The following DDX39A variants were observed in gnomAD, a reference collection of about 807,000 sequenced individuals.
The protein encoded by DDX39A is DExD-box helicase 39A, also known as ATP-dependent RNA helicase DDX39A.
A neutral mutation model predicts 46.3 loss-of-function variants in DDX39A; 13 were observed. That is an observed-to-expected ratio of 0.28 (90% CI 0.18 to 0.45). DDX39A has a LOEUF of 0.45. Ranked by LOEUF, DDX39A falls within the 20% of genes least tolerant of loss-of-function variation. The pLI is 1.00. For synonymous variants in DDX39A, 234 were observed against 224.6 expected, an observed-to-expected ratio of 1.04 and a Z score of -0.38; for missense variants, 352 against 581.8, an observed-to-expected ratio of 0.61 and a Z score of 4.06.
At position 14,411,376 on chromosome 19, in the gene DDX39A, A is replaced by G; in HGVS notation, c.429+130T>C. On this transcript the variant is annotated intron_variant, in intron 4 of 10. Transcript: ENST00000242776. The surrounding 1 kb of genome is among the most constrained non-coding windows in gnomAD (Gnocchi z 4.1). The stretch of plus-strand genomic sequence containing the variant: ...ATAATTCATCAGGCTTTTAAGGAGC[A>G]AAAACCACCGCAAACCTCAAAGGCA... The G allele has an allele frequency of 9.3e-7, 1 of 1,075,920 alleles. No individual in the cohort carries two copies. The highest frequency in any genetic ancestry group is 1.4e-6 in the Non-Finnish European group (1 of 730,012). The allele number at this position is 1,075,920 out of a possible 1,614,324, so 66.6% of individuals were successfully genotyped here.
Position 14,408,851 on chromosome 19 carries a change from T to A in DDX39A, c.*85A>T. On this transcript the variant is annotated 3_prime_UTR_variant, in exon 11 of 11. Transcript: ENST00000242776. ...ATAACAAGTTTATTCTCATACAATC[T>A]CTAGCTTCTCAACAGTGGCGCCTGG... is the stretch of plus-strand genomic sequence containing the variant. 1 of 1,506,794 alleles carries A rather than the reference T, an allele frequency of 6.6e-7. No homozygotes were observed. 93.3% of individuals were successfully genotyped at this position (1,506,794 alleles called of 1,614,324 possible).
Position 14,409,267 on chromosome 19 carries a change from G to T in DDX39A, c.1119+36C>A. ...AGCAGGGCTGGGGCCCCACCCCACC[G>T]CCAGGGGAAAGCAACATGCCCGTGA... On this transcript the variant is annotated intron_variant, in intron 9 of 10. Coordinates refer to ENST00000242776, the MANE Select transcript of DDX39A (RefSeq NM_005804.4). The surrounding 1 kb of genome is among the most constrained non-coding windows in gnomAD (Gnocchi z 8.3). The T allele has an allele frequency of 1.9e-6, 3 of 1,613,160 alleles. No homozygotes were observed. Among genetic ancestry groups the T allele is most frequent in the Non-Finnish European group, 2.5e-6 (3 of 1,179,220 alleles).
Position 14,411,933 on chromosome 19 carries a change from C to T in DDX39A, c.337-335G>A, listed in dbSNP as rs529984500. On this transcript the variant is annotated intron_variant, in intron 3 of 10. Coordinates refer to ENST00000242776, the MANE Select transcript of DDX39A (RefSeq NM_005804.4). This position sits in a 1 kb window ranked among gnomAD's most constrained non-coding sequence, Gnocchi z 4.1. ...TAAGGATTTCCTGAATCTCGGCACTCGGGCGGCCCCGGTCTTCCCACCCGT... is the reference window on the plus strand; with the variant it reads ...TAAGGATTTCCTGAATCTCGGCACTTGGGCGGCCCCGGTCTTCCCACCCGT... Among the ~76,000 whole-genome samples, 13 of 152,312 alleles carry T rather than the reference C, an allele frequency of 8.5e-5. 1 individual carries two copies. In the East Asian group the frequency reaches 2.1e-3, roughly 25 times the overall value.
chr19:14,418,585 G>C (rs369016646), intron 1 of DDX39A, among the ~76,000 whole-genome samples: 12 of 152,066 alleles, frequency 7.9e-5, no homozygotes, highest in African/African-American at 2.7e-4. Context: ...AGCCTCCCGA[G>C]TAGCTGGGAC....
At chr19:14,414,857 C>T (rs910346322) in intron 1 of DDX39A, among the ~76,000 whole-genome samples, 2 of 147,578 alleles carry the variant, frequency 1.4e-5, no homozygotes, top group Non-Finnish European at 3.0e-5. Context: ...CCCAGCTACT[C>T]GGGAAGCTGA....
At chr19:14,417,845 G>A (rs1392840207) in intron 1 of DDX39A, among the ~76,000 whole-genome samples, 1 of 151,856 alleles carries the variant, frequency 6.6e-6, no homozygotes, top group Non-Finnish European at 1.5e-5. Context: ...GTGACAGAGG[G>A]AGACCCTTTC....
chr19:14,410,776 A>G lies in DDX39A; in HGVS notation c.613+213T>C, dbSNP rs554383935. On this transcript the variant is annotated intron_variant, in intron 5 of 10. Coordinates refer to ENST00000242776, the MANE Select transcript of DDX39A (RefSeq NM_005804.4). This position sits in a 1 kb window ranked among gnomAD's most constrained non-coding sequence, Gnocchi z 4.3. ...GGTATGTGTGCATGCCTTTACGTCC[A>G]GGAGGGACGGGGGCTTGCTTGGGCC... 2.3e-4 allele frequency: 127 copies of G among 554,546 alleles called. 1 individual carries two copies. In the East Asian group the frequency reaches 3.3e-3, roughly 15 times the overall value. The allele number at this position is 554,546 out of a possible 1,614,324, so 34.4% of individuals were successfully genotyped here.
intron 1 of DDX39A, among the ~76,000 whole-genome samples, chr19:14,414,949 A>G (rs962583564): frequency 6.6e-6 from 1 of 151,536 alleles, no homozygotes; most frequent in Non-Finnish European, 1.5e-5. Flanking sequence ...AAAAAAAAAA[A>G]AAAAAAAAGA....
rs2146385784 is a variant in DDX39A at position 14,409,989 on chromosome 19, A to G, written c.733-116T>C. On this transcript the variant is annotated intron_variant, in intron 6 of 10. Coordinates refer to ENST00000242776, the MANE Select transcript of DDX39A (RefSeq NM_005804.4). The surrounding 1 kb of genome is among the most constrained non-coding windows in gnomAD (Gnocchi z 8.3). ...CGACACTTCCCAGAGGACCTGCTGCACCAGACCTCAGTAAACATCGCTCAA... is the reference window on the plus strand; with the variant it reads ...CGACACTTCCCAGAGGACCTGCTGCGCCAGACCTCAGTAAACATCGCTCAA... 1 of 1,341,898 alleles carries G rather than the reference A, an allele frequency of 7.5e-7. No homozygotes were observed. The highest frequency in any genetic ancestry group is 1.4e-5 in the African/African-American group (1 of 69,902). 83.1% of individuals were successfully genotyped at this position (1,341,898 alleles called of 1,614,324 possible). A position where few individuals can be genotyped will look rare whatever the true frequency, so the allele number is the denominator to read the frequency against.
rs553445505 is a variant in DDX39A, at chr19:14,413,358, G to A, written c.-4-134C>T. 131 of 773,874 alleles carry A rather than the reference G, an allele frequency of 1.7e-4. 2 individuals are homozygous for A. In the South Asian group the frequency reaches 2.2e-3, roughly 13 times the overall value. The allele number at this position is 773,874 out of a possible 1,614,324, so 47.9% of individuals were successfully genotyped here. On this transcript the variant is annotated intron_variant, in intron 1 of 10. Coordinates refer to ENST00000242776, the MANE Select transcript of DDX39A (RefSeq NM_005804.4). ...TACCTGGGCTGCACCTCGCAGCTTC[G>A]CCCTGTCTCCACCTCCCCACCCCCA... is the stretch of plus-strand genomic sequence containing the variant.
At chr19:14,417,407 G>GC in intron 1 of DDX39A, among the ~76,000 whole-genome samples, 1 of 148,678 alleles carries the variant, frequency 6.7e-6, no homozygotes, top group East Asian at 2.0e-4. Context: ...GATGGCTTGA[G>GC]CCCAGGAGTT....
intron 1 of DDX39A, 147 bp downstream of exon 1, chr19:14,419,123 A>G (rs1976943448): frequency 2.6e-6 from 1 of 387,814 alleles, no homozygotes; most frequent in Non-Finnish European, 5.1e-6. Context: ...GCCAACACAC[A>G]GCGCTCTGAC....
chr19:14,410,098 C>T lies in DDX39A; in HGVS notation c.732+118G>A, dbSNP rs1183137664. 16 of 1,103,178 alleles carry T rather than the reference C, an allele frequency of 1.5e-5. No individual in the cohort carries two copies. Among genetic ancestry groups the T allele is most frequent in the Non-Finnish European group, 2.2e-5 (16 of 730,990 alleles). 68.3% of individuals were successfully genotyped at this position (1,103,178 alleles called of 1,614,324 possible). A position where few individuals can be genotyped will look rare whatever the true frequency, so the allele number is the denominator to read the frequency against. On this transcript the variant is annotated intron_variant, in intron 6 of 10. Transcript: ENST00000242776. The surrounding 1 kb of genome is among the most constrained non-coding windows in gnomAD (Gnocchi z 4.3). ...ACAAGACCGAGGGGAGGAAAGGAGG[C>T]TCCGCCGGCTCCCAGCATCCCAGCA...
At chr19:14,419,127 C>T (rs1456103137) in intron 1 of DDX39A, 143 bp downstream of exon 1, 1 of 373,798 alleles carries the variant, frequency 2.7e-6, no homozygotes, top group African/African-American at 2.1e-5. Context: ...ACACACAGCG[C>T]TCTGACACAC....
At position 14,411,403 on chromosome 19, in the gene DDX39A, C is replaced by A; in HGVS notation, c.429+103G>T. 1 of 1,211,462 alleles carries A rather than the reference C, an allele frequency of 8.3e-7. No homozygotes were observed. The highest frequency in any genetic ancestry group is 1.8e-5 in the Admixed American group (1 of 55,268). The allele number at this position is 1,211,462 out of a possible 1,614,324, so 75.0% of individuals were successfully genotyped here. On this transcript the variant is annotated intron_variant, in intron 4 of 10. Transcript: ENST00000242776. The surrounding 1 kb of genome is among the most constrained non-coding windows in gnomAD (Gnocchi z 4.1). ...AAACCACCGCAAACCTCAAAGGCAG[C>A]TGCCCCTGCCAAGCTTGGTAAATGC...
At chr19:14,416,626 C>T (rs1341610176) in intron 1 of DDX39A, among the ~76,000 whole-genome samples, 3 of 152,268 alleles carry the variant, frequency 2.0e-5, no homozygotes, top group Middle Eastern at 3.4e-3. Flanking sequence ...AGCTGGCTGG[C>T]GTCAGGGCAG....
rs770578926 is a variant in DDX39A at position 14,412,473 on chromosome 19, T to C, written c.336+78A>G. ...CTTCCCAAAGCACTGGGCTAACAGG[T>C]GTGAGCCACCCCATCCAGCCTACTC... On this transcript the variant is annotated intron_variant, in intron 3 of 10. Coordinates refer to ENST00000242776, the MANE Select transcript of DDX39A (RefSeq NM_005804.4). The surrounding 1 kb of genome is among the most constrained non-coding windows in gnomAD (Gnocchi z 4.4). The C allele has an allele frequency of 6.5e-6, 10 of 1,538,332 alleles. No homozygotes were observed. Among genetic ancestry groups the C allele is most frequent in the Non-Finnish European group, 8.7e-6 (10 of 1,145,576 alleles).
chr19:14,412,987 A>G lies in DDX39A; in HGVS notation c.208+26T>C. On this transcript the variant is annotated intron_variant, in intron 2 of 10. Transcript: ENST00000242776. The surrounding 1 kb of genome is among the most constrained non-coding windows in gnomAD (Gnocchi z 4.4). ...GTCTTGTCTTGGTGAGGACCTGGGC[A>G]AGAGGATAACACCCAGAAGGCGTAC... 6.2e-7 allele frequency: 1 copy of G among 1,607,812 alleles called. No individual in the cohort carries two copies. Among genetic ancestry groups the G allele is most frequent in the South Asian group, 1.1e-5 (1 of 90,524 alleles).
At position 14,409,527 on chromosome 19, in the gene DDX39A, C is replaced by A; in HGVS notation, c.974+9G>T. 2 of 1,608,608 alleles carry A rather than the reference C, an allele frequency of 1.2e-6. No homozygotes were observed. Among genetic ancestry groups the A allele is most frequent in the Non-Finnish European group, 1.7e-6 (2 of 1,178,508 alleles). ...CTCCCTGCAGCCTTGGCGGGCGGCTCGCACTCACCGCTCCTCCTGGGCCAT... is the reference window on the plus strand; with the variant it reads ...CTCCCTGCAGCCTTGGCGGGCGGCTAGCACTCACCGCTCCTCCTGGGCCAT... On this transcript the variant is annotated intron_variant, in intron 8 of 10. Coordinates refer to ENST00000242776, the MANE Select transcript of DDX39A (RefSeq NM_005804.4). The surrounding 1 kb of genome is among the most constrained non-coding windows in gnomAD (Gnocchi z 8.3).
Sources: allele counts gnomAD v4.1 joint callset (sites outside exome capture counted in the v4.1 genomes callset), GRCh38; gene constraint gnomAD v4.1.1; non-coding constraint Gnocchi (gnomAD v3.1); transcripts MANE v1.5; gene names NCBI Gene and HGNC (gene_info 2026-07-23, HGNC 2026-07-21).